The following AFG1L variants were observed in gnomAD, a reference collection of about 807,000 sequenced individuals.
The protein encoded by AFG1L is AFG1-like ATPase.
AFG1L carries 53 observed loss-of-function variants against 62.2 expected under a neutral mutation model. The observed-to-expected ratio is 0.85, with a 90% CI of 0.68 to 1.07. AFG1L has a LOEUF of 1.07. AFG1L is among the 50% of genes least tolerant of loss of function. AFG1L has a pLI of 0.00. For synonymous variants in AFG1L, 228 were observed against 210.3 expected (o/e 1.08, Z -0.73); for missense variants, 555 against 590.5 (o/e 0.94, Z 0.62).
In AFG1L at chr6:108,476,893, A is replaced by G; in HGVS notation, c.919A>G (p.Met307Val). ...LTSEADVEAV[M>V]DKLFDELAQK... ...AAGTGAAGCTGATGTGGAGGCTGTC[A>G]TGGATAAGTTGTTTGATGAGCTGGC... The change falls in exon 9 of 13, where the codon ATG becomes GTG. Residue 307 changes from methionine to valine, a missense_variant. Coordinates refer to ENST00000368977, the MANE Select transcript of AFG1L (RefSeq NM_145315.5). 1 of 1,613,994 alleles carries G rather than the reference A, an allele frequency of 6.2e-7. No individual in the cohort carries two copies. Among genetic ancestry groups the G allele is most frequent in the Non-Finnish European group, 8.5e-7 (1 of 1,179,864 alleles).
At chr6:108,298,260 A>ATTTTTTTT (rs779200181) in intron 1 of AFG1L, among the ~76,000 whole-genome samples, 3 of 121,502 alleles carry the variant, frequency 2.5e-5, no homozygotes, top group Non-Finnish European at 1.7e-5. Context: ...GAGGGGAAGA[A>ATTTTTTTT]TTTTTTTTTT....
At position 108,416,945 on chromosome 6, in the gene AFG1L, A is replaced by G. The variant is rs571602264; in HGVS notation, c.807+14891A>G. Among the ~76,000 whole-genome samples the G allele has an allele frequency of 4.6e-5, 7 of 151,854 alleles. No homozygotes were observed. The East Asian group carries it at 1.4e-3, about 29-fold the overall frequency. On this transcript the variant is annotated intron_variant, in intron 7 of 12. Transcript: ENST00000368977. The stretch of plus-strand genomic sequence containing the variant: ...TAATAATAATAATAAATAAATAAAT[A>G]AAGGGGCCTGGGCTGGGTGTGGTGG...
At chr6:108,494,976 T>C (rs990149347) in intron 10 of AFG1L, among the ~76,000 whole-genome samples, 21 of 152,148 alleles carry the variant, frequency 1.4e-4, no homozygotes, top group African/African-American at 5.1e-4. Flanking sequence ...GGTTTCACCA[T>C]GTTGGCCAGG....
At chr6:108,371,297 C>T (rs1779992467) in intron 6 of AFG1L, among the ~76,000 whole-genome samples, 1 of 152,156 alleles carries the variant, frequency 6.6e-6, no homozygotes, top group Admixed American at 6.5e-5. Context: ...ACTAAACAGG[C>T]TGGGTGTAAT....
chr6:108,447,402 C>T (rs1771859460), intron 8 of AFG1L, 106 bp downstream of exon 8: 1 of 605,884 alleles, frequency 1.7e-6, no homozygotes, highest in Admixed American at 3.2e-5. Context: ...GTTCTGAAGC[C>T]CATGATTTTT....
chr6:108,322,391 G>C (rs768041370), intron 1 of AFG1L, among the ~76,000 whole-genome samples: 17 of 152,142 alleles, frequency 1.1e-4, no homozygotes, highest in Non-Finnish European at 2.5e-4. Flanking sequence ...TAGAGAGAAG[G>C]GAGGAAAAGG....
chr6:108,444,814 T>C (rs1771695198), intron 7 of AFG1L, among the ~76,000 whole-genome samples: 4 of 152,242 alleles, frequency 2.6e-5, no homozygotes, highest in Admixed American at 2.6e-4. Context: ...AGAGTAGATG[T>C]AGCAAAATTC....
intron 5 of AFG1L, 58 bp from the exon 6 acceptor site, chr6:108,366,175 G>A: frequency 1.9e-6 from 2 of 1,043,024 alleles, no homozygotes; most frequent in Non-Finnish European, 1.4e-6. Flanking sequence ...TGATCCACTA[G>A]CAAATTTGTT....
intron 6 of AFG1L, among the ~76,000 whole-genome samples, chr6:108,373,726 G>T (rs1010076819): frequency 6.9e-6 from 1 of 144,640 alleles, no homozygotes; most frequent in African/African-American, 2.6e-5. Flanking sequence ...ACAGGCATGC[G>T]CCACCATGCC....
intron 6 of AFG1L, among the ~76,000 whole-genome samples, chr6:108,393,989 TTC>T (rs932212081): frequency 1.3e-5 from 2 of 151,988 alleles, no homozygotes; most frequent in Non-Finnish European, 2.9e-5. Flanking sequence ...TCTTGCCCTT[TTC>T]TCTTTTTCTT....
intron 7 of AFG1L, among the ~76,000 whole-genome samples, chr6:108,444,031 A>G (rs1771658040): frequency 6.6e-6 from 1 of 151,964 alleles, no homozygotes; most frequent in Admixed American, 6.6e-5. Flanking sequence ...CTTAGTCACC[A>G]TTCTTCTACT....
intron 10 of AFG1L, among the ~76,000 whole-genome samples, chr6:108,499,066 G>A (rs1276777131): frequency 8.1e-6 from 1 of 123,668 alleles, no homozygotes; most frequent in Non-Finnish European, 1.6e-5. Context: ...CTCCATAAAT[G>A]TAACTTTTTT....
intron 10 of AFG1L, among the ~76,000 whole-genome samples, chr6:108,492,957 CAG>C (rs1369761440): frequency 1.3e-5 from 2 of 151,670 alleles, no homozygotes; most frequent in African/African-American, 4.9e-5. Flanking sequence ...CACACACACA[CAG>C]AGAGAGACAT....
chr6:108,388,508 G>A (rs1780876234), intron 6 of AFG1L, among the ~76,000 whole-genome samples: 1 of 152,118 alleles, frequency 6.6e-6, no homozygotes. Context: ...TCTCCTGTGG[G>A]CATTTAGTGC....
chr6:108,305,994 C>G (rs1040989194), intron 1 of AFG1L, among the ~76,000 whole-genome samples: 2 of 152,150 alleles, frequency 1.3e-5, no homozygotes, highest in Non-Finnish European at 2.9e-5. Context: ...TCCTCTACCT[C>G]CCGGGTTCAA....
chr6:108,466,744 A>G (rs1176029300), intron 8 of AFG1L, among the ~76,000 whole-genome samples: 1 of 132,682 alleles, frequency 7.5e-6, no homozygotes, highest in African/African-American at 2.6e-5. Context: ...TATATTTTTT[A>G]AAATATATTT....
At chr6:108,333,821 A>C (rs1311219946) in intron 2 of AFG1L, among the ~76,000 whole-genome samples, 3 of 152,166 alleles carry the variant, frequency 2.0e-5, no homozygotes, top group Non-Finnish European at 4.4e-5. Flanking sequence ...AGGAGGCTTC[A>C]ACTATACTTA....
intron 1 of AFG1L, among the ~76,000 whole-genome samples, chr6:108,311,644 A>T (rs2114840018): frequency 6.6e-6 from 1 of 150,718 alleles, no homozygotes; most frequent in East Asian, 2.0e-4. Context: ...TTACAGATGC[A>T]CTCCACCAAG....
chr6:108,411,979 G>A (rs1782139477), intron 7 of AFG1L, among the ~76,000 whole-genome samples: 1 of 152,152 alleles, frequency 6.6e-6, no homozygotes, highest in African/African-American at 2.4e-5. Context: ...GCTAAAGGAG[G>A]ATGTTTGAAC....
Sources: allele counts gnomAD v4.1 joint callset (sites outside exome capture counted in the v4.1 genomes callset), GRCh38; gene constraint gnomAD v4.1.1; transcripts MANE v1.5; gene names NCBI Gene and HGNC (gene_info 2026-07-23, HGNC 2026-07-21).